The following PCDHGB1 variants were observed in gnomAD, a reference collection of about 807,000 sequenced individuals.
PCDHGB1 encodes the protein protocadherin gamma-B1.
A neutral mutation model predicts 56.6 loss-of-function variants in PCDHGB1; 34 were observed. The ratio of observed to expected loss-of-function variants is 0.60; its 90% CI spans 0.46 to 0.80. The LOEUF (loss-of-function observed/expected upper bound fraction) is 0.80, where lower values mean the gene tolerates loss of function less well. PCDHGB1 is among the 30% of genes least tolerant of loss of function. The pLI, the probability that PCDHGB1 is intolerant of heterozygous loss-of-function variation, is 0.00. For synonymous variants in PCDHGB1, 561 were observed against 505.9 expected (o/e 1.11, Z -1.46); for missense variants, 1,278 against 1,204.6 (o/e 1.06, Z -0.90).
chr5:141,365,052 T>TG, intron 1 of PCDHGB1: 1 of 1,613,872 alleles, frequency 6.2e-7, no homozygotes. Context: ...AATGCGCCCC[T>TG]GTTCACCCCA....
intron 1 of PCDHGB1, chr5:141,357,777 C>G: frequency 1.1e-6 from 1 of 905,134 alleles, no homozygotes; most frequent in Non-Finnish European, 1.6e-6. Context: ...CAATAATGAT[C>G]AACAGTATTT....
chr5:141,441,102 C>A (rs1057297804), intron 1 of PCDHGB1: 2 of 152,148 alleles, frequency 1.3e-5, no homozygotes, highest in Non-Finnish European at 2.9e-5. Flanking sequence ...GAGAGGGACT[C>A]ATTGTCCAGT....
At position 141,476,716 on chromosome 5, in the gene PCDHGB1, C is replaced by G; in HGVS notation, c.2410-18091C>G. The G allele has an allele frequency of 6.2e-7, 1 of 1,614,148 alleles. No individual in the cohort carries two copies. On this transcript the variant is annotated intron_variant, in intron 1 of 3. Transcript: ENST00000523390. The surrounding 1 kb of genome is among the most constrained non-coding windows in gnomAD (Gnocchi z 7.6). The stretch of plus-strand genomic sequence containing the variant: ...AGTACGCGGAGCTGGTGTTGGAGCG[C>G]GCCCTGGACCGAGAACGGGAGCCTA...
chr5:141,373,437 C>A (rs1769581564), intron 1 of PCDHGB1, among the ~76,000 whole-genome samples: 1 of 152,194 alleles, frequency 6.6e-6, no homozygotes. Flanking sequence ...GTGGGAGGAT[C>A]CCTTGATCCC....
chr5:141,478,026 C>T (rs1192406949), intron 1 of PCDHGB1: 2 of 1,614,062 alleles, frequency 1.2e-6, no homozygotes, highest in East Asian at 2.2e-5. Flanking sequence ...GTCCAAGACA[C>T]AGATTCACCC....
intron 1 of PCDHGB1, among the ~76,000 whole-genome samples, chr5:141,438,629 TATATATACACAC>T (rs1343412075): frequency 0.05 from 2,378 of 47,602 alleles, 22 homozygotes; most frequent in African/African-American, 0.12. Context: ...TATATATATA[TATATATACACAC>T]ACACACACAC....
rs1018523439 is a variant in PCDHGB1 at position 141,350,156 on chromosome 5, C to A, written c.-105C>A. On this transcript the variant is annotated 5_prime_UTR_variant, in exon 1 of 4. Coordinates refer to ENST00000523390, the MANE Select transcript of PCDHGB1 (RefSeq NM_018922.3). ...GACGCTGCTCCTGTTCACCCTCGAG[C>A]GCCTAACTAATAAGTCCTAAGCTCA... 48 of 1,005,970 alleles carry A rather than the reference C, an allele frequency of 4.8e-5. No individual in the cohort carries two copies. The highest frequency in any genetic ancestry group is 6.4e-5 in the Non-Finnish European group (47 of 734,138). The allele number at this position is 1,005,970 out of a possible 1,614,324, so 62.3% of individuals were successfully genotyped here. A position where few individuals can be genotyped will look rare whatever the true frequency, so the allele number is the denominator to read the frequency against.
chr5:141,507,609 A>G (rs2099862010), intron 3 of PCDHGB1, among the ~76,000 whole-genome samples: 1 of 152,260 alleles, frequency 6.6e-6, no homozygotes, highest in Non-Finnish European at 1.5e-5. Context: ...ATAAACAGGT[A>G]TATTTAGCTG....
intron 1 of PCDHGB1, chr5:141,427,265 C>A (rs767369457): frequency 6.6e-6 from 3 of 456,572 alleles, no homozygotes; most frequent in Non-Finnish European, 8.8e-6. Context: ...GCATGACCAG[C>A]GAATGTAAAA....
At chr5:141,374,511 T>G in intron 1 of PCDHGB1, 1 of 1,611,912 alleles carries the variant, frequency 6.2e-7, no homozygotes, top group Non-Finnish European at 8.5e-7. Flanking sequence ...GTGAAAATTC[T>G]CGAAAACGCA....
chr5:141,487,391 A>C lies in PCDHGB1; in HGVS notation c.2410-7416A>C. 1 of 1,614,090 alleles carries C rather than the reference A, an allele frequency of 6.2e-7. No homozygotes were observed. The highest frequency in any genetic ancestry group is 1.1e-5 in the South Asian group (1 of 91,078). ...TGCCTGTCTCACCAGATCTCGAAGG[A>C]GGGAGGGGCTTCCCCCTTCCAATGG... On this transcript the variant is annotated intron_variant, in intron 1 of 3. Transcript: ENST00000523390. The surrounding 1 kb of genome is among the most constrained non-coding windows in gnomAD (Gnocchi z 5.0).
chr5:141,381,852 A>T (rs1777673646), intron 1 of PCDHGB1, among the ~76,000 whole-genome samples: 2 of 41,770 alleles, frequency 4.8e-5, no homozygotes, highest in African/African-American at 1.3e-4. Flanking sequence ...TTTTTTTGGC[A>T]GAGTTTTGCT....
In PCDHGB1 at chr5:141,493,511, T is replaced by G. The variant is rs1203329648; in HGVS notation, c.2410-1296T>G. Among the ~76,000 whole-genome samples the G allele has an allele frequency of 6.6e-6, 1 of 152,094 alleles. No individual in the cohort carries two copies. Reference sequence around the variant, plus strand: ...TCTGTGGCTCCTCATTTCTGAGCAGTCCCCGCAGCGCAAACTTGGCCAGTT... The same window carrying G: ...TCTGTGGCTCCTCATTTCTGAGCAGGCCCCGCAGCGCAAACTTGGCCAGTT... On this transcript the variant is annotated intron_variant, in intron 1 of 3. Coordinates refer to ENST00000523390, the MANE Select transcript of PCDHGB1 (RefSeq NM_018922.3). This position sits in a 1 kb window ranked among gnomAD's most constrained non-coding sequence, Gnocchi z 4.3.
intron 1 of PCDHGB1, chr5:141,385,861 G>A (rs561611576): frequency 8.5e-5 from 13 of 153,290 alleles, no homozygotes; most frequent in African/African-American, 2.6e-4. Flanking sequence ...GGTGGTAGTA[G>A]AAGGTTGGAT....
At chr5:141,395,102 G>A (rs766050798) in intron 1 of PCDHGB1, 2 of 1,614,172 alleles carry the variant, frequency 1.2e-6, no homozygotes, top group East Asian at 2.2e-5. Flanking sequence ...CCGCCGACTC[G>A]CGGAAGAGTC....
Position 141,485,875 on chromosome 5 carries a change from C to T in PCDHGB1, c.2410-8932C>T, listed in dbSNP as rs1254918181. The T allele has an allele frequency of 1.9e-6, 3 of 1,614,150 alleles. No homozygotes were observed. The highest frequency in any genetic ancestry group is 2.2e-5 in the East Asian group (1 of 44,862). On this transcript the variant is annotated intron_variant, in intron 1 of 3. Transcript: ENST00000523390. This position sits in a 1 kb window ranked among gnomAD's most constrained non-coding sequence, Gnocchi z 5.7. ...CAGAGCTCCGGGTATCCGTGCTGGACGTAAACGACAACGCCCCAGCCTTCC... is the reference window on the plus strand; with the variant it reads ...CAGAGCTCCGGGTATCCGTGCTGGATGTAAACGACAACGCCCCAGCCTTCC...
chr5:141,360,844 G>A (rs1164038678), intron 1 of PCDHGB1: 1 of 1,613,980 alleles, frequency 6.2e-7, no homozygotes, highest in South Asian at 1.1e-5. Context: ...GGATGCCAAC[G>A]ATAACCCTCC....
In PCDHGB1 at chr5:141,351,379, G is replaced by A. The variant is rs1301322299; in HGVS notation, c.1119G>A (p.Gly373=). The change falls in exon 1 of 4, where the codon GGG becomes GGA. Residue 373 remains glycine (G), a synonymous_variant. Coordinates refer to ENST00000523390, the MANE Select transcript of PCDHGB1 (RefSeq NM_018922.3). ...ALIKVRDKDS[G]QNGMVTCYTQ... The stretch of plus-strand genomic sequence containing the variant: ...TAAAAGTGCGAGACAAGGATTCTGG[G>A]CAAAATGGCATGGTGACATGCTATA... 9 of 1,612,022 alleles carry A rather than the reference G, an allele frequency of 5.6e-6. No homozygotes were observed. The highest frequency in any genetic ancestry group is 7.6e-6 in the Non-Finnish European group (9 of 1,178,948).
At chr5:141,369,742 A>G (rs1766466506) in intron 1 of PCDHGB1, among the ~76,000 whole-genome samples, 1 of 152,236 alleles carries the variant, frequency 6.6e-6, no homozygotes, top group African/African-American at 2.4e-5. Flanking sequence ...AGGAAATAGA[A>G]TGCAATAAGA....
Sources: gnomAD v4.1 joint callset for allele counts (sites outside exome capture counted in the v4.1 genomes callset) on GRCh38, gnomAD v4.1.1 for gene constraint, Gnocchi (gnomAD v3.1) non-coding constraint, MANE v1.5 for transcripts, NCBI Gene and HGNC (gene_info 2026-07-23, HGNC 2026-07-21) for gene names.